The following ASPRV1 variants were observed in gnomAD, a reference collection of about 807,000 sequenced individuals.
The protein encoded by ASPRV1 is aspartic peptidase retroviral like 1.
Under a neutral mutation model 11.0 loss-of-function variants are expected in ASPRV1, and 7 were observed. The ratio of observed to expected loss-of-function variants is 0.64; its 90% confidence interval spans 0.36 to 1.20. The LOEUF (loss-of-function observed/expected upper bound fraction) is 1.20. Among genes scored for constraint, ASPRV1 ranks in the 50% most tolerant of loss-of-function variants. The pLI, the probability that ASPRV1 is intolerant of heterozygous loss-of-function variation, is 0.02. For synonymous variants in ASPRV1, 136 were observed against 138.4 expected (o/e 0.98, Z 0.12); for missense variants, 299 against 320.0 (o/e 0.93, Z 0.50).
the ASPRV1 span, among the ~76,000 whole-genome samples, chr2:69,984,858 C>CTTT: frequency 8.3e-6 from 1 of 120,834 alleles, no homozygotes; most frequent in Non-Finnish European, 1.8e-5. Flanking sequence ...TCAGGGCCAG[C>CTTT]TTTTTTTTTT....
At chr2:70,022,215 C>T in the ASPRV1 span, among the ~76,000 whole-genome samples, 1 of 151,696 alleles carries the variant, frequency 6.6e-6, no homozygotes, top group Non-Finnish European at 1.5e-5. Context: ...CGGGGTTTCA[C>T]CGTGTTAGCC....
the ASPRV1 span, among the ~76,000 whole-genome samples, chr2:69,953,307 C>G: frequency 1.3e-5 from 2 of 152,340 alleles, no homozygotes; most frequent in Non-Finnish European, 2.9e-5. Flanking sequence ...GGACAGTGGT[C>G]AGTCCTGGGG....
At chr2:69,978,977 CAAG>C in the ASPRV1 span, among the ~76,000 whole-genome samples, 3 of 152,168 alleles carry the variant, frequency 2.0e-5, no homozygotes, top group Admixed American at 6.5e-5. Flanking sequence ...CCTCCCATTC[CAAG>C]AAGGTCTTGG....
chr2:70,056,604 C>CAAAAAAAAAAAAA, the ASPRV1 span: 221 of 75,676 alleles, frequency 2.9e-3, 13 homozygotes, highest in African/African-American at 0.017. Context: ...GACTCCGTCT[C>CAAAAAAAAAAAAA]AAAAAAAAAA....
At chr2:69,968,383 G>A in the ASPRV1 span, 1 of 152,104 alleles carries the variant, frequency 6.6e-6, no homozygotes, top group African/African-American at 2.4e-5. Context: ...AATTAGCAGA[G>A]GATGGTGGCA....
chr2:70,011,816 A>G, the ASPRV1 span: 1 of 152,520 alleles, frequency 6.6e-6, no homozygotes, highest in Non-Finnish European at 1.5e-5. Context: ...GGAGGAGACG[A>G]AACAAGAAGA....
chr2:70,058,389 C>A, the ASPRV1 span, among the ~76,000 whole-genome samples: 5 of 151,780 alleles, frequency 3.3e-5, no homozygotes, highest in South Asian at 1.0e-3. Flanking sequence ...ACTACAGGCA[C>A]GCGCCACTGC....
At chr2:69,990,843 G>GA in the ASPRV1 span, among the ~76,000 whole-genome samples, 1 of 152,072 alleles carries the variant, frequency 6.6e-6, no homozygotes, top group Admixed American at 6.5e-5. Flanking sequence ...AACTTCTTGG[G>GA]AAGGGACATT....
chr2:70,066,998 A>G, the ASPRV1 span, among the ~76,000 whole-genome samples: 2 of 152,198 alleles, frequency 1.3e-5, no homozygotes, highest in Non-Finnish European at 1.5e-5. Flanking sequence ...GATTATATAA[A>G]CTAAGATGAT....
chr2:70,014,637 C>CA, the ASPRV1 span: 2 of 151,296 alleles, frequency 1.3e-5, no homozygotes, highest in Non-Finnish European at 2.9e-5. Context: ...CTCATCTCTA[C>CA]AAAAAATAAA....
chr2:70,013,840 C>G, the ASPRV1 span, among the ~76,000 whole-genome samples: 1 of 152,166 alleles, frequency 6.6e-6, no homozygotes, highest in African/African-American at 2.4e-5. Context: ...GCAATCGCAC[C>G]ACTGCACTCC....
the ASPRV1 span, among the ~76,000 whole-genome samples, chr2:70,080,536 T>A: frequency 1.3e-5 from 2 of 152,168 alleles, no homozygotes; most frequent in South Asian, 4.2e-4. Context: ...CACCCCTTCT[T>A]TTTTTTATAG....
chr2:70,059,379 GGGAGCATAGTGA>G, the ASPRV1 span, among the ~76,000 whole-genome samples: 573 of 151,656 alleles, frequency 3.8e-3, 2 homozygotes, highest in African/African-American at 0.013. Context: ...TTTTCTTAGA[GGGAGCATAGTGA>G]GGTAGAAATG....
At chr2:70,017,609 A>G in the ASPRV1 span, among the ~76,000 whole-genome samples, 1 of 152,234 alleles carries the variant, frequency 6.6e-6, no homozygotes, top group Non-Finnish European at 1.5e-5. Flanking sequence ...CTGTCTGTTG[A>G]TGACATGATC....
At chr2:69,990,934 T>A in the ASPRV1 span, among the ~76,000 whole-genome samples, 19 of 152,154 alleles carry the variant, frequency 1.2e-4, 1 homozygote, top group Admixed American at 1.2e-3. Flanking sequence ...ATCTTGAGAC[T>A]GTGTAGACCC....
the ASPRV1 span, among the ~76,000 whole-genome samples, chr2:70,076,637 A>G: frequency 1.3e-5 from 2 of 152,188 alleles, no homozygotes; most frequent in Non-Finnish European, 2.9e-5. Context: ...CCTACCAAAC[A>G]TCATAGCTCA....
At chr2:69,979,328 C>T in the ASPRV1 span, among the ~76,000 whole-genome samples, 2,422 of 152,260 alleles carry the variant, frequency 0.016, 135 homozygotes, top group Admixed American at 0.095. Context: ...CCACCACGCC[C>T]GGCCAGGGAC....
chr2:70,079,845 A>G, the ASPRV1 span, among the ~76,000 whole-genome samples: 1 of 152,332 alleles, frequency 6.6e-6, no homozygotes, highest in South Asian at 2.1e-4. Context: ...GAAGGGTTCT[A>G]TTTAATTCAG....
the ASPRV1 span, among the ~76,000 whole-genome samples, chr2:69,935,887 A>G: frequency 6.6e-6 from 1 of 152,032 alleles, no homozygotes; most frequent in Non-Finnish European, 1.5e-5. Context: ...AGTCCTTCCA[A>G]GGTGCAAATC....
Sources: allele counts gnomAD v4.1 joint callset (sites outside exome capture counted in the v4.1 genomes callset), GRCh38; gene constraint gnomAD v4.1.1; transcripts MANE v1.5; gene names NCBI Gene and HGNC (gene_info 2026-07-23, HGNC 2026-07-21).